Variants in ELMO1 observed in about 807,000 individuals in gnomAD.
ELMO1 encodes the protein engulfment and cell motility 1.
Under a neutral mutation model 98.9 loss-of-function variants are expected in ELMO1, and 26 were observed. The ratio of observed to expected loss-of-function variants is 0.26; its 90% CI spans 0.19 to 0.36. ELMO1 has a LOEUF of 0.36. Ranked by LOEUF, ELMO1 falls within the 10% of genes least tolerant of loss-of-function variation. ELMO1 has a pLI of 1.00. For missense variants in ELMO1, 627 were observed against 935.2 expected, an observed-to-expected ratio of 0.67 and a Z score of 4.30; for synonymous variants, 346 against 346.0, an observed-to-expected ratio of 1.00 and a Z score of 0.00.
At chr7:37,260,675 T>C (rs1362968623) in intron 5 of ELMO1, among the ~76,000 whole-genome samples, 1 of 152,146 alleles carries the variant, frequency 6.6e-6, no homozygotes, top group Non-Finnish European at 1.5e-5. Context: ...ATAGAACCCA[T>C]GCCCCGATCA....
intron 1 of ELMO1, among the ~76,000 whole-genome samples, chr7:37,423,215 C>A (rs1339612163): frequency 1.3e-5 from 2 of 152,196 alleles, no homozygotes; most frequent in Middle Eastern, 3.2e-3. Context: ...TTATAACCTG[C>A]AGTAAACTAC....
intron 6 of ELMO1, among the ~76,000 whole-genome samples, chr7:37,250,642 A>G (rs1328376327): frequency 2.0e-5 from 3 of 152,174 alleles, no homozygotes; most frequent in Non-Finnish European, 4.4e-5. Flanking sequence ...AACACAAAAA[A>G]TTAGCCGGGT....
chr7:37,049,799 TG>T (rs1796003446), intron 15 of ELMO1, among the ~76,000 whole-genome samples: 1 of 146,776 alleles, frequency 6.8e-6, no homozygotes, highest in African/African-American at 2.5e-5. Flanking sequence ...TTTTTTGAGA[TG>T]GAGTTTTGCT....
intron 20 of ELMO1, among the ~76,000 whole-genome samples, chr7:36,864,250 T>C (rs1802854195): frequency 6.6e-6 from 1 of 152,204 alleles, no homozygotes; most frequent in Non-Finnish European, 1.5e-5. Context: ...GCTGTGATAC[T>C]TTCTCTTCTG....
chr7:37,317,376 G>T (rs910588456), intron 2 of ELMO1, among the ~76,000 whole-genome samples: 2 of 152,178 alleles, frequency 1.3e-5, no homozygotes, highest in African/African-American at 4.8e-5. Context: ...ACACTTGGAG[G>T]TGTTTGTTGC....
At chr7:36,895,609 T>C (rs984333382) in intron 16 of ELMO1, among the ~76,000 whole-genome samples, 5 of 152,182 alleles carry the variant, frequency 3.3e-5, no homozygotes, top group African/African-American at 1.2e-4. Flanking sequence ...TTTATTAAAT[T>C]AGAACAGACA....
At chr7:36,986,105 C>A in intron 16 of ELMO1, 4 of 990,466 alleles carry the variant, frequency 4.0e-6, no homozygotes, top group Non-Finnish European at 4.8e-6. Flanking sequence ...ACCCGCCGCA[C>A]ACCTTTAAAT....
chr7:36,872,821 A>T (rs1254305049), intron 19 of ELMO1, among the ~76,000 whole-genome samples: 1 of 152,198 alleles, frequency 6.6e-6, no homozygotes, highest in Middle Eastern at 3.2e-3. Context: ...CAAGATTCAA[A>T]TAGAGTTTGA....
intron 16 of ELMO1, among the ~76,000 whole-genome samples, chr7:36,975,802 G>A (rs1278056836): frequency 2.8e-5 from 4 of 145,268 alleles, no homozygotes; most frequent in Non-Finnish European, 6.0e-5. Flanking sequence ...AGCCGAGATC[G>A]TACCCCTGCA....
At chr7:37,386,658 T>G (rs1410258863) in intron 1 of ELMO1, among the ~76,000 whole-genome samples, 3 of 151,806 alleles carry the variant, frequency 2.0e-5, no homozygotes, top group Non-Finnish European at 4.4e-5. Flanking sequence ...GGGTCCACAC[T>G]CGTGTCAGGT....
intron 15 of ELMO1, among the ~76,000 whole-genome samples, chr7:37,029,066 C>T (rs1418772550): frequency 1.3e-5 from 2 of 152,206 alleles, no homozygotes; most frequent in East Asian, 3.9e-4. Flanking sequence ...AAGTGACTTG[C>T]CCGAGTCACA....
intron 13 of ELMO1, among the ~76,000 whole-genome samples, chr7:37,209,009 T>C (rs1331482540): frequency 1.3e-5 from 2 of 148,966 alleles, no homozygotes; most frequent in Non-Finnish European, 3.0e-5. Flanking sequence ...TAACTTTCAG[T>C]TAAAAAAAAA....
In ELMO1 at chr7:37,013,323, C is replaced by G. The variant is rs1451768906; in HGVS notation, c.1413G>C (p.Arg471Ser). Residue 471 changes from arginine to serine, a missense_variant, in exon 16 of 22, where the codon AGG (arginine) becomes AGC (serine). Physicochemically the swap from Arg to Ser is moderately radical, Grantham distance 110. This residue lies in a region of ELMO1 where 492 missense variants were observed against 715.6 expected (regional missense o/e 0.69). Coordinates refer to ENST00000310758, the MANE Select transcript of ELMO1 (RefSeq NM_014800.11). ...QLLNKTWKEM[R>S]ATSEDFNKVM... ...CCTTGTTGAAGTCTTCAGAAGTTGC[C>G]CTCATTTCCTTCCATGTCTTGTTCA... is the stretch of plus-strand genomic sequence containing the variant. 1.2e-6 allele frequency: 2 copies of G among 1,614,056 alleles called. No homozygotes were observed. The highest frequency in any genetic ancestry group is 1.1e-5 in the South Asian group (1 of 91,068).
chr7:37,406,001 G>C (rs1199037275), intron 1 of ELMO1, among the ~76,000 whole-genome samples: 1 of 152,176 alleles, frequency 6.6e-6, no homozygotes, highest in Non-Finnish European at 1.5e-5. Context: ...GCTACAGGCA[G>C]AATCAGAAGT....
intron 15 of ELMO1, among the ~76,000 whole-genome samples, chr7:37,058,901 G>C (rs1267932620): frequency 6.6e-6 from 1 of 152,138 alleles, no homozygotes; most frequent in Admixed American, 6.5e-5. Flanking sequence ...AACCCATTGT[G>C]GGTTTCTTCC....
At chr7:37,437,029 T>C (rs540846469) in intron 1 of ELMO1, among the ~76,000 whole-genome samples, 27 of 152,186 alleles carry the variant, frequency 1.8e-4, no homozygotes, top group Non-Finnish European at 3.1e-4. Flanking sequence ...GTCCCCTACT[T>C]GGTGGAAGGT....
At chr7:37,166,813 T>C (rs1789730910) in intron 13 of ELMO1, among the ~76,000 whole-genome samples, 1 of 152,240 alleles carries the variant, frequency 6.6e-6, no homozygotes, top group Non-Finnish European at 1.5e-5. Flanking sequence ...ATGTATATTC[T>C]ATTGATTTGG....
At chr7:37,268,058 A>G (rs2541089) in intron 5 of ELMO1, among the ~76,000 whole-genome samples, 59,815 of 152,138 alleles carry the variant, frequency 0.39, 12,328 homozygotes, top group Middle Eastern at 0.54. Flanking sequence ...TTCTTAAAAC[A>G]AAAATTTCAG....
Position 36,992,602 on chromosome 7 carries a change from T to C in ELMO1, c.1437+20697A>G, listed in dbSNP as rs566345595. On this transcript the variant is annotated intron_variant, in intron 16 of 21. Coordinates refer to ENST00000310758, the MANE Select transcript of ELMO1 (RefSeq NM_014800.11). ...AAGCGACTGGGCCAATGGTAGGATA[T>C]CCTTTAGATGGTGCAAAATGAGAAA... Among the ~76,000 whole-genome samples the C allele has an allele frequency of 2.3e-4, 35 of 152,314 alleles. No individual in the cohort carries two copies. In the South Asian group the frequency reaches 6.8e-3, roughly 30 times the overall value.
Sources: gnomAD v4.1 joint callset for allele counts (sites outside exome capture counted in the v4.1 genomes callset) on GRCh38, gnomAD v4.1.1 for gene constraint, gnomAD v4.1.1 regional missense constraint, MANE v1.5 for transcripts, NCBI Gene and HGNC (gene_info 2026-07-23, HGNC 2026-07-21) for gene names.